DOCK2: variants seen among roughly 807,000 people sequenced by gnomAD.
The protein encoded by DOCK2 is dedicator of cytokinesis protein 2.
DOCK2 carries 87 observed loss-of-function variants against 248.9 expected under a neutral mutation model. The observed-to-expected ratio is 0.35, with a 90% CI of 0.29 to 0.42. The LOEUF is 0.42. Ranked by LOEUF, DOCK2 falls within the 10% of genes least tolerant of loss-of-function variation. The pLI is 1.00. For missense variants in DOCK2, 1,747 were observed against 2,300.2 expected, an observed-to-expected ratio of 0.76 and a Z score of 4.92; for synonymous variants, 805 against 821.6, an observed-to-expected ratio of 0.98 and a Z score of 0.35.
intron 27 of DOCK2, among the ~76,000 whole-genome samples, chr5:169,933,919 C>T (rs1775873103): frequency 1.3e-5 from 2 of 152,182 alleles, no homozygotes; most frequent in Admixed American, 6.5e-5. Flanking sequence ...CTACTGGTGT[C>T]GCCATTAATG....
intron 46 of DOCK2, among the ~76,000 whole-genome samples, chr5:170,072,461 G>A (rs1482756702): frequency 1.3e-5 from 2 of 152,138 alleles, no homozygotes; most frequent in African/African-American, 4.8e-5. Context: ...ATGTTTTCAG[G>A]TGTTGTATAT....
intron 8 of DOCK2, among the ~76,000 whole-genome samples, chr5:169,688,732 T>C (rs1475033105): frequency 1.3e-5 from 2 of 152,208 alleles, no homozygotes; most frequent in African/African-American, 4.8e-5. Context: ...GTTATTTAAT[T>C]GTATCTTAGA....
chr5:169,667,146 T>G (rs1323966627), intron 2 of DOCK2, among the ~76,000 whole-genome samples: 2 of 152,036 alleles, frequency 1.3e-5, no homozygotes, highest in Non-Finnish European at 2.9e-5. Flanking sequence ...GTAGGGACCA[T>G]CTATTGGTCC....
In DOCK2 at chr5:169,868,732, C is replaced by A. The variant is rs1015367759; in HGVS notation, c.2799+27880C>A. ...ATGAGTGCACCACTGCACTCCAGCCCAGGTGAGAGATTGAGTTGTCCCCAT... is the reference window on the plus strand; with the variant it reads ...ATGAGTGCACCACTGCACTCCAGCCAAGGTGAGAGATTGAGTTGTCCCCAT... On this transcript the variant is annotated intron_variant, in intron 27 of 51. Coordinates refer to ENST00000520908, the MANE Select transcript of DOCK2 (RefSeq NM_004946.3). Among the ~76,000 whole-genome samples, 4 of 152,132 alleles carry A rather than the reference C, an allele frequency of 2.6e-5. No homozygotes were observed. In the East Asian group the frequency reaches 7.7e-4, roughly 29 times the overall value.
At chr5:170,080,355 G>A (rs1757985931) in intron 50 of DOCK2, 72 bp downstream of exon 50, 7 of 1,593,832 alleles carry the variant, frequency 4.4e-6, no homozygotes, top group South Asian at 1.1e-5. Flanking sequence ...GGTGGAGGAT[G>A]GATGGGAACT....
At chr5:170,036,398 A>G (rs894172616) in intron 35 of DOCK2, 117 bp from the exon 36 acceptor site, 7 of 1,022,730 alleles carry the variant, frequency 6.8e-6, no homozygotes, top group Non-Finnish European at 1.0e-5. Flanking sequence ...TCTTATTCCT[A>G]TCTCAGGGTA....
chr5:169,733,411 T>C (rs1304765612), intron 22 of DOCK2, among the ~76,000 whole-genome samples: 1 of 151,722 alleles, frequency 6.6e-6, no homozygotes, highest in Non-Finnish European at 1.5e-5. Flanking sequence ...CTCCACATAC[T>C]AGATATTATT....
At chr5:170,009,890 A>G (rs1459310675) in intron 32 of DOCK2, among the ~76,000 whole-genome samples, 1 of 152,202 alleles carries the variant, frequency 6.6e-6, no homozygotes, top group Non-Finnish European at 1.5e-5. Flanking sequence ...GGGAGGTTGC[A>G]GGTTGGTTCA....
At chr5:170,048,913 A>G (rs1180722895) in intron 40 of DOCK2, among the ~76,000 whole-genome samples, 1 of 152,170 alleles carries the variant, frequency 6.6e-6, no homozygotes, top group Non-Finnish European at 1.5e-5. Flanking sequence ...ACCTCACTTG[A>G]TTTAGTCTAG....
intron 30 of DOCK2, among the ~76,000 whole-genome samples, chr5:169,998,222 A>G (rs959844835): frequency 6.6e-6 from 1 of 152,214 alleles, no homozygotes; most frequent in African/African-American, 2.4e-5. Context: ...TTCCTCCCAT[A>G]GAACTTAAGC....
At chr5:169,973,296 G>T (rs1416372909) in intron 27 of DOCK2, among the ~76,000 whole-genome samples, 1 of 152,134 alleles carries the variant, frequency 6.6e-6, no homozygotes, top group African/African-American at 2.4e-5. Context: ...CCACAGGGGG[G>T]TTTAAATCAT....
intron 33 of DOCK2, 135 bp from the exon 34 acceptor site, chr5:170,027,728 T>C: frequency 1.3e-6 from 1 of 746,556 alleles, no homozygotes; most frequent in Non-Finnish European, 2.2e-6. Flanking sequence ...TGTTCCATTT[T>C]GCATTCCCAG....
intron 29 of DOCK2, among the ~76,000 whole-genome samples, chr5:169,992,483 T>C (rs1454183376): frequency 1.3e-5 from 2 of 152,240 alleles, no homozygotes; most frequent in Admixed American, 1.3e-4. Context: ...GTTGTTGTTT[T>C]GAGACGGAGT....
intron 26 of DOCK2, among the ~76,000 whole-genome samples, chr5:169,830,221 G>A (rs564350806): frequency 8.5e-5 from 13 of 152,318 alleles, no homozygotes; most frequent in Admixed American, 2.0e-4. Context: ...AAGAACCAGC[G>A]TAGCAGATCT....
intron 3 of DOCK2, among the ~76,000 whole-genome samples, chr5:169,669,994 T>G (rs1561584333): frequency 6.6e-6 from 1 of 152,218 alleles, no homozygotes; most frequent in African/African-American, 2.4e-5. Flanking sequence ...ATGGTCCTAT[T>G]CTGCTCTCTC....
chr5:169,661,601 G>A (rs1049540425), intron 2 of DOCK2, among the ~76,000 whole-genome samples: 9 of 151,924 alleles, frequency 5.9e-5, no homozygotes, highest in East Asian at 3.8e-4. Context: ...TCTAACCTAC[G>A]TTTCCCCATT....
At chr5:169,815,023 A>T (rs1319494946) in intron 26 of DOCK2, among the ~76,000 whole-genome samples, 4 of 152,184 alleles carry the variant, frequency 2.6e-5, no homozygotes, top group Admixed American at 6.5e-5. Context: ...ACCCAGGACT[A>T]GGCTCTGGGG....
At chr5:169,647,938 A>G (rs888836341) in intron 1 of DOCK2, among the ~76,000 whole-genome samples, 4 of 151,648 alleles carry the variant, frequency 2.6e-5, no homozygotes, top group Non-Finnish European at 5.9e-5. Flanking sequence ...CTTTCACCCC[A>G]CTTTTCTAGC....
chr5:169,873,288 C>G (rs1162826389), intron 27 of DOCK2, among the ~76,000 whole-genome samples: 1 of 152,208 alleles, frequency 6.6e-6, no homozygotes, highest in Non-Finnish European at 1.5e-5. Flanking sequence ...CCTGTTGGGA[C>G]TCAGAGAAAT....
Sources: allele counts gnomAD v4.1 joint callset (sites outside exome capture counted in the v4.1 genomes callset), GRCh38; gene constraint gnomAD v4.1.1; transcripts MANE v1.5; gene names NCBI Gene and HGNC (gene_info 2026-07-23, HGNC 2026-07-21).